DAB1: variants seen among roughly 807,000 people sequenced by gnomAD.
DAB1 encodes the protein disabled homolog 1.
A neutral mutation model predicts 64.6 loss-of-function variants in DAB1; 15 were observed. The observed-to-expected ratio is 0.23, with a 90% CI of 0.16 to 0.36. The LOEUF is 0.36. Ranked by LOEUF, DAB1 falls within the 10% of genes least tolerant of loss-of-function variation. The pLI, the probability that DAB1 is intolerant of heterozygous loss-of-function variation, is 1.00. For synonymous variants in DAB1, 235 were observed against 251.9 expected (o/e 0.93, Z 0.64); for missense variants, 596 against 706.7 (o/e 0.84, Z 1.78).
intron 2 of DAB1, among the ~76,000 whole-genome samples, chr1:57,212,618 C>T (rs577295307): frequency 2.0e-5 from 3 of 152,084 alleles, no homozygotes; most frequent in Admixed American, 6.6e-5. Context: ...CCACCCGCCT[C>T]GGCCTCTCAA....
intron 5 of DAB1, among the ~76,000 whole-genome samples, chr1:58,136,653 T>C (rs997448333): frequency 6.6e-6 from 1 of 152,186 alleles, no homozygotes; most frequent in Admixed American, 6.5e-5. Flanking sequence ...TCAAACCTAA[T>C]TGATTCAACA....
intron 3 of DAB1, among the ~76,000 whole-genome samples, chr1:58,472,507 G>C (rs542793095): frequency 1.6e-4 from 24 of 152,302 alleles, no homozygotes; most frequent in Non-Finnish European, 2.9e-4. Context: ...AGGGAGAAGC[G>C]GTTCCCTTCA....
rs547811439 is a variant in DAB1, at chr1:57,318,013, C to G, written c.-136-26847G>C. Among the ~76,000 whole-genome samples the G allele has an allele frequency of 3.9e-5, 6 of 152,236 alleles. 1 individual carries two copies. Among genetic ancestry groups the G allele is most frequent in the African/African-American group, 1.4e-4 (6 of 41,546 alleles). Reference sequence around the variant, plus strand: ...ATTTTACAGTCAATGCCATTTGTATCTAAGTTCATTTGAATAGGGTTTCTG... The same window carrying G: ...ATTTTACAGTCAATGCCATTTGTATGTAAGTTCATTTGAATAGGGTTTCTG... On this transcript the variant is annotated intron_variant, in intron 1 of 14. Coordinates refer to ENST00000371236, the MANE Select transcript of DAB1 (RefSeq NM_001365792.1).
intron 2 of DAB1, among the ~76,000 whole-genome samples, chr1:57,227,897 A>G (rs974450456): frequency 3.9e-5 from 6 of 152,278 alleles, no homozygotes; most frequent in African/African-American, 1.4e-4. Context: ...CAAGAGCAAG[A>G]GGGCATAACT....
At chr1:58,426,964 GA>G (rs1246565506) in intron 3 of DAB1, among the ~76,000 whole-genome samples, 1 of 152,202 alleles carries the variant, frequency 6.6e-6, no homozygotes, top group Non-Finnish European at 1.5e-5. Context: ...GCAAGACATT[GA>G]AAGAGGTGAG....
intron 1 of DAB1, among the ~76,000 whole-genome samples, chr1:57,307,657 T>C (rs1674308758): frequency 6.6e-6 from 1 of 152,116 alleles, no homozygotes; most frequent in Admixed American, 6.5e-5. Flanking sequence ...CCACACCTTC[T>C]TTGCCTGTCT....
intron 2 of DAB1, among the ~76,000 whole-genome samples, chr1:57,161,190 A>G (rs1381421690): frequency 2.0e-5 from 3 of 152,138 alleles, no homozygotes; most frequent in South Asian, 2.1e-4. Flanking sequence ...ATATGGAGAG[A>G]CAAGCCAGAA....
At chr1:58,353,819 TA>T (rs11409847) in intron 3 of DAB1, among the ~76,000 whole-genome samples, 4 of 151,070 alleles carry the variant, frequency 2.6e-5, no homozygotes, top group Admixed American at 1.3e-4. Flanking sequence ...TCTTGTTTAA[TA>T]AAAAAAAAGA....
intron 9 of DAB1, among the ~76,000 whole-genome samples, chr1:57,057,888 A>T (rs3768195): frequency 3.3e-5 from 5 of 151,918 alleles, no homozygotes; most frequent in South Asian, 2.1e-4. Context: ...GATTACAGGC[A>T]TGAGCCACCG....
intron 5 of DAB1, among the ~76,000 whole-genome samples, chr1:58,144,012 T>C (rs914209440): frequency 4.6e-5 from 7 of 152,248 alleles, no homozygotes; most frequent in Admixed American, 3.3e-4. Flanking sequence ...TTTATTTCTT[T>C]AAGGAGGGTC....
chr1:58,369,735 A>G (rs1304546485), intron 3 of DAB1, among the ~76,000 whole-genome samples: 1 of 152,250 alleles, frequency 6.6e-6, no homozygotes, highest in African/African-American at 2.4e-5. Flanking sequence ...TAAAGATTTG[A>G]TCTCAAAGTT....
At chr1:57,220,867 T>C (rs1666811384) in intron 2 of DAB1, among the ~76,000 whole-genome samples, 1 of 152,166 alleles carries the variant, frequency 6.6e-6, no homozygotes, top group Non-Finnish European at 1.5e-5. Flanking sequence ...GAACTAGAAA[T>C]ACCATTTGAC....
intron 2 of DAB1, among the ~76,000 whole-genome samples, chr1:57,254,334 T>C (rs1308875174): frequency 6.6e-6 from 1 of 152,222 alleles, no homozygotes; most frequent in East Asian, 1.9e-4. Flanking sequence ...TGAAGGCTGC[T>C]TTGGAAAATG....
At position 57,755,622 on chromosome 1, in the gene DAB1, C is replaced by A. The variant is rs374963955; in HGVS notation, n.552-105957G>T. 2.0e-5 allele frequency among the ~76,000 whole-genome samples: 3 copies of A among 152,314 alleles called. No individual in the cohort carries two copies. The South Asian group carries it at 6.2e-4, about 32-fold the overall frequency. The stretch of plus-strand genomic sequence containing the variant: ...TCAGCATTTCTTACTACTAACAATG[C>A]ACCAGAGTGACATGTTCTCAGGTCT... On this transcript the variant is annotated intron_variant and non_coding_transcript_variant, in intron 6 of 20. Coordinates refer to the DAB1 transcript ENST00000485760.
chr1:58,474,492 TG>T (rs1353579505), intron 3 of DAB1, among the ~76,000 whole-genome samples: 2 of 152,184 alleles, frequency 1.3e-5, no homozygotes, highest in Non-Finnish European at 2.9e-5. Flanking sequence ...TCAAAGCTGG[TG>T]GCCCATGTGA....
chr1:58,532,456 ATAT>A lies in DAB1; in HGVS notation n.33-5124_33-5122del, dbSNP rs371585963. 5.4e-3 allele frequency among the ~76,000 whole-genome samples: 827 copies of A among 152,346 alleles called. 6 individuals carry two copies. The highest frequency in any genetic ancestry group is 0.019 in the African/African-American group (793 of 41,576). On this transcript the variant is annotated intron_variant and non_coding_transcript_variant, in intron 1 of 20. Transcript: ENST00000485760. Reference sequence around the variant, plus strand: ...CAGTTGTGAAGCCATTACTTGAAAGATATTAGAGTGCATATAATAACACTGCTT... The same window carrying A: ...CAGTTGTGAAGCCATTACTTGAAAGATAGAGTGCATATAATAACACTGCTT...
At chr1:57,715,669 G>T (rs1647075479) in intron 6 of DAB1, among the ~76,000 whole-genome samples, 1 of 151,476 alleles carries the variant, frequency 6.6e-6, no homozygotes, top group Non-Finnish European at 1.5e-5. Flanking sequence ...AAGAAATCAA[G>T]AAAAGCAATC....
chr1:57,605,396 G>A (rs922631744), intron 7 of DAB1, among the ~76,000 whole-genome samples: 8 of 152,210 alleles, frequency 5.3e-5, no homozygotes, highest in African/African-American at 1.9e-4. Context: ...TGTTTCACAT[G>A]GCTATTTACC....
At chr1:57,911,744 G>A (rs549815049) in intron 5 of DAB1, among the ~76,000 whole-genome samples, 8 of 152,246 alleles carry the variant, frequency 5.3e-5, no homozygotes, top group African/African-American at 1.9e-4. Context: ...GTCCCTTCTC[G>A]CTGATTCCAG....
Sources: allele counts gnomAD v4.1 joint callset (sites outside exome capture counted in the v4.1 genomes callset), GRCh38; gene constraint gnomAD v4.1.1; transcripts MANE v1.5; gene names NCBI Gene and HGNC (gene_info 2026-07-23, HGNC 2026-07-21).